Variants in NEMF observed in about 807,000 individuals in gnomAD.
NEMF encodes the protein ribosome quality control complex subunit NEMF.
NEMF carries 89 observed loss-of-function variants against 162.2 expected under a neutral mutation model. The observed-to-expected ratio is 0.55, with a 90% CI of 0.46 to 0.65. The LOEUF is 0.65. NEMF is among the 30% of genes least tolerant of loss of function. The pLI, the probability that NEMF is intolerant of heterozygous loss-of-function variation, is 0.00. For missense variants in NEMF, 1,133 were observed against 1,261.9 expected, an observed-to-expected ratio of 0.90 and a Z score of 1.55; for synonymous variants, 421 against 404.5, an observed-to-expected ratio of 1.04 and a Z score of -0.49.
chr14:49,841,196 C>CAAAAAAAAAAAAAAAAAAAAAGAAAA (rs1893187684), intron 4 of NEMF, among the ~76,000 whole-genome samples: 1 of 56,800 alleles, frequency 1.8e-5, no homozygotes, highest in Non-Finnish European at 3.1e-5. Flanking sequence ...AACTCTGTCT[C>CAAAAAAAAAAAAAAAAAAAAAGAAAA]AAAAAAAAAA....
intron 26 of NEMF, among the ~76,000 whole-genome samples, chr14:49,792,075 C>T (rs971641385): frequency 2.7e-5 from 4 of 150,438 alleles, no homozygotes; most frequent in Non-Finnish European, 4.4e-5. Flanking sequence ...CCCAGGAGGT[C>T]GAGGCTGCAG....
At position 49,800,577 on chromosome 14, in the gene NEMF, T is replaced by A. The variant is rs1316070542; in HGVS notation, c.2215A>T (p.Asn739Tyr). The A allele has an allele frequency of 6.2e-7, 1 of 1,614,048 alleles. No homozygotes were observed. Among genetic ancestry groups the A allele is most frequent in the African/African-American group, 1.3e-5 (1 of 75,000 alleles). Reference protein sequence around the residue: ...ITLQSGRDELNEELIQEESSE... With the variant: ...ITLQSGRDELYEELIQEESSE... ...CTTTCTTCCTGAATGAGCTCCTCAT[T>A]TAGTTCATCTCTGCCACTCTGAAGA... The change falls in exon 23 of 33, where the codon AAT (asparagine) becomes TAT (tyrosine). Residue 739 changes from asparagine (N) to tyrosine (Y), a missense_variant. Asn to Tyr is a moderately radical substitution (Grantham distance 143). Coordinates refer to ENST00000298310, the MANE Select transcript of NEMF (RefSeq NM_004713.6).
At chr14:49,852,095 T>C (rs1350187956) in intron 1 of NEMF, among the ~76,000 whole-genome samples, 1 of 152,058 alleles carries the variant, frequency 6.6e-6, no homozygotes, top group Non-Finnish European at 1.5e-5. Context: ...CAACACACTA[T>C]AGCTTGCGTC....
intron 7 of NEMF, 122 bp from the exon 8 acceptor site, chr14:49,833,618 A>G (rs1892754952): frequency 7.4e-6 from 4 of 544,010 alleles, no homozygotes; most frequent in Non-Finnish European, 3.2e-6. Flanking sequence ...CAAGAAAATT[A>G]GAGATAGTGA....
intron 4 of NEMF, among the ~76,000 whole-genome samples, chr14:49,844,440 G>A (rs557282306): frequency 3.9e-5 from 6 of 152,074 alleles, no homozygotes; most frequent in East Asian, 1.9e-4. Context: ...TCCAGTCTGC[G>A]GCACAGGGGT....
rs567844138 is a variant in NEMF, at chr14:49,845,986, G to C, written c.357+154C>G. The C allele has an allele frequency of 1.3e-5, 8 of 601,572 alleles. No individual in the cohort carries two copies. The Middle Eastern group carries it at 1.4e-3, about 102-fold the overall frequency. The allele number at this position is 601,572 out of a possible 1,614,324, so 37.3% of individuals were successfully genotyped here. ...ACAGATAAAATGAAGGTTATTACTG[G>C]AAAATTTTATTTTATTTGTGTGGCA... On this transcript the variant is annotated intron_variant, in intron 4 of 32. Transcript: ENST00000298310.
In NEMF at chr14:49,784,616, A is replaced by ATT; in HGVS notation, c.*18_*19dup. The stretch of plus-strand genomic sequence containing the variant: ...GCTATAAAATTGGCTCTTCTCAAAT[A>ATT]TTTTAGAATTTCATTTCAGCTATTT... On this transcript the variant is annotated 3_prime_UTR_variant, in exon 33 of 33. Transcript: ENST00000298310. The ATT allele has an allele frequency of 6.3e-7, 1 of 1,575,790 alleles. No individual in the cohort carries two copies. Among genetic ancestry groups the ATT allele is most frequent in the East Asian group, 2.2e-5 (1 of 44,594 alleles).
chr14:49,791,016 T>G (rs1890416811), intron 26 of NEMF, among the ~76,000 whole-genome samples: 1 of 151,778 alleles, frequency 6.6e-6, no homozygotes, highest in African/African-American at 2.4e-5. Flanking sequence ...AAATGTCAAG[T>G]GGGGATATTC....
At chr14:49,825,800 C>T (rs745949845) in intron 16 of NEMF, 67 bp downstream of exon 16, 30 of 1,074,800 alleles carry the variant, frequency 2.8e-5, no homozygotes, top group African/African-American at 4.8e-5. Context: ...TTTGACTTTT[C>T]TAAACAATGT....
chr14:49,803,527 T>C (rs1179744473), intron 19 of NEMF, among the ~76,000 whole-genome samples: 2 of 151,310 alleles, frequency 1.3e-5, no homozygotes, highest in Non-Finnish European at 2.9e-5. Flanking sequence ...TAATTTTCTT[T>C]CTTTTTTTTT....
chr14:49,807,786 T>C (rs944173530), intron 18 of NEMF, among the ~76,000 whole-genome samples: 2 of 151,768 alleles, frequency 1.3e-5, no homozygotes, highest in African/African-American at 4.8e-5. Context: ...ATTTTTTTAC[T>C]AGGGATGGGG....
chr14:49,796,894 G>A lies in NEMF; in HGVS notation c.2466-950C>T, dbSNP rs570596757. The stretch of plus-strand genomic sequence containing the variant: ...CAAAGAAGCACTCCCCTTTGTTAAT[G>A]CTAATTCTCCTTGGAGTCTCCCTCC... On this transcript the variant is annotated intron_variant, in intron 25 of 32. Transcript: ENST00000298310. Among the ~76,000 whole-genome samples, 12 of 152,230 alleles carry A rather than the reference G, an allele frequency of 7.9e-5. No homozygotes were observed. In the South Asian group the frequency reaches 2.5e-3, roughly 32 times the overall value.
At chr14:49,820,776 C>T (rs1000443025) in intron 16 of NEMF, among the ~76,000 whole-genome samples, 9 of 152,064 alleles carry the variant, frequency 5.9e-5, no homozygotes, top group Admixed American at 2.6e-4. Context: ...TGCCGCCACG[C>T]CTGACTGGTT....
intron 19 of NEMF, among the ~76,000 whole-genome samples, chr14:49,805,023 C>CCA (rs1399236458): frequency 2.0e-5 from 3 of 152,150 alleles, no homozygotes; most frequent in Non-Finnish European, 2.9e-5. Context: ...GAGCAAGACT[C>CCA]CATCTCAAAA....
At chr14:49,810,985 CA>C (rs958369605) in intron 18 of NEMF, among the ~76,000 whole-genome samples, 1 of 151,938 alleles carries the variant, frequency 6.6e-6, no homozygotes, top group Non-Finnish European at 1.5e-5. Context: ...GACCCTGTTT[CA>C]AAACAAAACA....
rs758437197 is a variant in NEMF at position 49,828,308 on chromosome 14, C to T, written c.1471G>A (p.Val491Ile). ...RYAAKKTQKT[V>I]EAAEKAFKSA... ...CTCAGTACCTTCTCAGCAGCTTCAA[C>T]AGTCTTTTGTGTTTTCTTAGCAGCA... is the stretch of plus-strand genomic sequence containing the variant. Residue 491 changes from valine to isoleucine, a missense_variant, in exon 15 of 33, where the codon GTT becomes ATT. Physicochemically the swap from Val to Ile is conservative, Grantham distance 29. Transcript: ENST00000298310. 2 of 1,605,674 alleles carry T rather than the reference C, an allele frequency of 1.2e-6. No homozygotes were observed. Among genetic ancestry groups the T allele is most frequent in the Admixed American group, 1.7e-5 (1 of 59,408 alleles).
chr14:49,821,737 G>A (rs1247411813), intron 16 of NEMF, among the ~76,000 whole-genome samples: 5 of 149,140 alleles, frequency 3.4e-5, no homozygotes, highest in Admixed American at 6.7e-5. Context: ...GGTGAGGGGC[G>A]CCTCTGCCCG....
intron 3 of NEMF, among the ~76,000 whole-genome samples, chr14:49,847,309 C>T (rs1394216967): frequency 6.6e-6 from 1 of 152,070 alleles, no homozygotes. Flanking sequence ...TCAAGCAATC[C>T]TCCTGCCTCA....
rs767104985 is a variant in NEMF, at chr14:49,789,577, C to T, written c.2620-4G>A. 5 of 1,604,600 alleles carry T rather than the reference C, an allele frequency of 3.1e-6. No individual in the cohort carries two copies. Among genetic ancestry groups the T allele is most frequent in the Non-Finnish European group, 3.4e-6 (4 of 1,177,974 alleles). On this transcript the variant is annotated splice_region_variant and splice_polypyrimidine_tract_variant and intron_variant, in intron 26 of 32. Transcript: ENST00000298310. The stretch of plus-strand genomic sequence containing the variant: ...CTTTCATTTTTTTCATTTTACTCTA[C>T]AAAATCAGAAGATTTTGGTTGGAAA...
Sources: gnomAD v4.1 joint callset for allele counts (sites outside exome capture counted in the v4.1 genomes callset) on GRCh38, gnomAD v4.1.1 for gene constraint, MANE v1.5 for transcripts, NCBI Gene and HGNC (gene_info 2026-07-23, HGNC 2026-07-21) for gene names.